The following PDE4DIP variants were observed in gnomAD, a reference collection of about 807,000 sequenced individuals.
PDE4DIP encodes myomegalin.
In PDE4DIP, 59 loss-of-function variants were observed where a neutral mutation model predicts 221.4. That is an observed-to-expected ratio of 0.27 (90% CI 0.22 to 0.33). The LOEUF is 0.33. Among genes scored for constraint, PDE4DIP ranks in the 10% least tolerant of loss-of-function variants. The pLI is 1.00. For synonymous variants in PDE4DIP, 404 were observed against 815.9 expected (o/e 0.50, Z 8.60); for missense variants, 1,036 against 2,154.2 (o/e 0.48, Z 10.28).
intron 22 of PDE4DIP, among the ~76,000 whole-genome samples, chr1:148,996,193 T>C (rs1478100328): frequency 1.3e-5 from 2 of 152,100 alleles, no homozygotes; most frequent in Non-Finnish European, 2.9e-5. Context: ...ATGGGTAAAC[T>C]TCATTAAAGT....
intron 43 of PDE4DIP, chr1:149,030,739 G>A (rs2076502072): frequency 1.0e-6 from 1 of 985,194 alleles, no homozygotes; most frequent in South Asian, 4.7e-5. Context: ...GTTAAGAACA[G>A]CAATTTGATT....
intron 37 of PDE4DIP, among the ~76,000 whole-genome samples, chr1:149,022,651 G>A (rs1198011226): frequency 6.6e-6 from 1 of 151,424 alleles, no homozygotes; most frequent in Non-Finnish European, 1.5e-5. Context: ...GCTTGAGGTT[G>A]GAGTGAGAAG....
At chr1:148,952,005 T>A in intron 5 of PDE4DIP, 9 of 959,890 alleles carry the variant, frequency 9.4e-6, no homozygotes, top group Non-Finnish European at 1.1e-5. Flanking sequence ...CGCGCAGCGG[T>A]ACCTAGCGGC....
At chr1:148,987,445 G>GA (rs2062111064) in intron 21 of PDE4DIP, among the ~76,000 whole-genome samples, 1 of 152,174 alleles carries the variant, frequency 6.6e-6, no homozygotes, top group Non-Finnish European at 1.5e-5. Context: ...TTCATGACGT[G>GA]AAAATGTGAG....
Position 148,923,805 on chromosome 1 carries a change from A to G in PDE4DIP, c.142-5392A>G, listed in dbSNP as rs1174060393. Among the ~76,000 whole-genome samples the G allele has an allele frequency of 6.2e-5, 9 of 146,290 alleles. 1 individual carries two copies. The highest frequency in any genetic ancestry group is 1.1e-4 in the Non-Finnish European group (7 of 66,538). ...ATTTGTATCAGACATTGTGCTGGGT[A>G]CTTTACATAAATTCATTTATTCCTC... is the stretch of plus-strand genomic sequence containing the variant. On this transcript the variant is annotated intron_variant, in intron 1 of 43. Coordinates refer to ENST00000369354, the Ensembl canonical transcript of PDE4DIP.
chr1:148,975,227 C>T lies in PDE4DIP; in HGVS notation c.2319+622C>T, dbSNP rs71664014. Among the ~76,000 whole-genome samples the T allele has an allele frequency of 0.011, 1,463 of 138,512 alleles. 37 individuals carry two copies. The East Asian group carries it at 0.11, about 10-fold the overall frequency. 90.9% of individuals were successfully genotyped at this position (138,512 alleles called of 152,430 possible). A position where few individuals can be genotyped will look rare whatever the true frequency, so the allele number is the denominator to read the frequency against. On this transcript the variant is annotated intron_variant, in intron 17 of 43. Coordinates refer to ENST00000369354, the Ensembl canonical transcript of PDE4DIP. Reference sequence around the variant, plus strand: ...AAAGCACTGGTGAAAAAAGGAAGCGCTGTGTGATTGCTGCTTAGAGTTATG... The same window carrying T: ...AAAGCACTGGTGAAAAAAGGAAGCGTTGTGTGATTGCTGCTTAGAGTTATG...
intron 14 of PDE4DIP, among the ~76,000 whole-genome samples, chr1:148,970,172 ATTTTCTTATG>A (rs1361095592): frequency 6.7e-6 from 1 of 148,656 alleles, no homozygotes; most frequent in African/African-American, 2.5e-5. Flanking sequence ...ACCCCATAAT[ATTTTCTTATG>A]TTTTCTTATG....
exon 34 of PDE4DIP, chr1:149,017,776 T>C: frequency 2.5e-6 from 4 of 1,606,784 alleles, no homozygotes; most frequent in Non-Finnish European, 3.4e-6. Flanking sequence ...AGCATCTTGG[T>C]GAAATCCGGA....
intron 5 of PDE4DIP, among the ~76,000 whole-genome samples, chr1:148,955,488 A>G (rs1238551121): frequency 6.6e-6 from 1 of 152,190 alleles, no homozygotes; most frequent in Non-Finnish European, 1.5e-5. Flanking sequence ...GATCATCTTC[A>G]GGCAGTCTCT....
intron 43 of PDE4DIP, chr1:149,030,844 G>GAA (rs200716782): frequency 1.0e-6 from 1 of 954,402 alleles, no homozygotes; most frequent in Admixed American, 6.2e-5. Context: ...AACCTTCAGG[G>GAA]AAAAAATGTT....
chr1:148,935,009 AT>A (rs2048908379), intron 4 of PDE4DIP, among the ~76,000 whole-genome samples: 1 of 151,926 alleles, frequency 6.6e-6, no homozygotes, highest in African/African-American at 2.4e-5. Flanking sequence ...GGATCACGAG[AT>A]TAAGACCATC....
intron 1 of PDE4DIP, among the ~76,000 whole-genome samples, chr1:148,815,418 A>G (rs587617929): frequency 6.8e-6 from 1 of 146,838 alleles, no homozygotes; most frequent in African/African-American, 2.5e-5. Flanking sequence ...GCGTGGTGGC[A>G]TGCGCCTGTA....
chr1:148,981,158 C>T (rs2152230166), intron 20 of PDE4DIP, 112 bp from the exon 24 acceptor site: 1 of 938,574 alleles, frequency 1.1e-6, no homozygotes, highest in Admixed American at 1.9e-5. Context: ...AGAACAATTA[C>T]TTTACAAAGT....
chr1:148,973,519 T>G (rs1233363710), intron 16 of PDE4DIP, among the ~76,000 whole-genome samples: 7 of 152,196 alleles, frequency 4.6e-5, no homozygotes, highest in Admixed American at 4.6e-4. Flanking sequence ...GATTTGATAC[T>G]GATTTCCTTA....
At chr1:148,838,720 T>C (rs1164400562) in intron 1 of PDE4DIP, among the ~76,000 whole-genome samples, 3 of 117,922 alleles carry the variant, frequency 2.5e-5, no homozygotes, top group Admixed American at 1.8e-4. Flanking sequence ...CTCTTTGTAG[T>C]TTTGAAATTC....
intron 4 of PDE4DIP, among the ~76,000 whole-genome samples, chr1:148,937,148 C>A (rs587715430): frequency 6.6e-6 from 1 of 152,148 alleles, no homozygotes; most frequent in African/African-American, 2.4e-5. Flanking sequence ...GTTACTGCAG[C>A]TAGGACTTTA....
intron 22 of PDE4DIP, among the ~76,000 whole-genome samples, chr1:148,994,656 C>T (rs1405789033): frequency 2.0e-5 from 3 of 152,006 alleles, no homozygotes; most frequent in Admixed American, 6.6e-5. Context: ...ACTTACCTAC[C>T]TACCATTTTT....
chr1:148,905,223 G>A (rs1468649685), intron 1 of PDE4DIP, among the ~76,000 whole-genome samples: 90 of 124,092 alleles, frequency 7.3e-4, no homozygotes, highest in African/African-American at 2.6e-3. Flanking sequence ...TTGCTCTGTC[G>A]CCTAGGCTGG....
chr1:148,980,565 G>T (rs1394465948), intron 20 of PDE4DIP, among the ~76,000 whole-genome samples: 1 of 151,802 alleles, frequency 6.6e-6, no homozygotes, highest in Non-Finnish European at 1.5e-5. Context: ...ATACCTCTCT[G>T]GATCATTTTA....
Sources: gnomAD v4.1 joint callset for allele counts (sites outside exome capture counted in the v4.1 genomes callset) on GRCh38, gnomAD v4.1.1 for gene constraint, MANE v1.5 for transcripts, NCBI Gene and HGNC (gene_info 2026-07-23, HGNC 2026-07-21) for gene names.